The following ZNF407 variants were observed in gnomAD, a reference collection of about 807,000 sequenced individuals.
The protein encoded by ZNF407 is zinc finger protein 407.
A neutral mutation model predicts 131.2 loss-of-function variants in ZNF407; 17 were observed. The observed-to-expected ratio is 0.13, with a 90% CI of 0.09 to 0.19. The LOEUF (loss-of-function observed/expected upper bound fraction) is 0.19, where lower values mean the gene tolerates loss of function less well. ZNF407 is among the 10% of genes least tolerant of loss of function. The probability of loss-of-function intolerance (pLI) is 1.00; values close to 1 mark genes in which losing one functional copy is unlikely to be tolerated. For synonymous variants in ZNF407, 1,156 were observed against 1,062.0 expected (o/e 1.09, Z -1.72); for missense variants, 2,681 against 2,830.6 (o/e 0.95, Z 1.20).
intron 8 of ZNF407, among the ~76,000 whole-genome samples, chr18:74,995,505 T>G (rs79197646): frequency 0.011 from 1,631 of 152,334 alleles, 32 homozygotes; most frequent in African/African-American, 0.037. Flanking sequence ...CAGAAAATAG[T>G]ATTTTATTCG....
At position 74,672,229 on chromosome 18, in the gene ZNF407, G is replaced by A. The variant is rs77191129; in HGVS notation, c.4802+31107G>A. Among the ~76,000 whole-genome samples the A allele has an allele frequency of 6.4e-3, 974 of 152,260 alleles. 12 individuals are homozygous for A. Among genetic ancestry groups the A allele is most frequent in the African/African-American group, 0.022 (915 of 41,550 alleles). ...CCCCAGCATCTGTTATTTTTTGACT[G>A]TTTAATACAGTTATTTGACTGATGT... On this transcript the variant is annotated intron_variant, in intron 3 of 8. Transcript: ENST00000299687.
chr18:74,818,243 G>A (rs1408668232), intron 4 of ZNF407, among the ~76,000 whole-genome samples: 2 of 152,176 alleles, frequency 1.3e-5, no homozygotes, highest in African/African-American at 4.8e-5. Flanking sequence ...AGCAAACGCA[G>A]GCATTCTCTC....
At chr18:74,842,672 A>G (rs1320784541) in intron 4 of ZNF407, among the ~76,000 whole-genome samples, 1 of 151,684 alleles carries the variant, frequency 6.6e-6, no homozygotes, top group African/African-American at 2.4e-5. Flanking sequence ...CATTTAGACA[A>G]ATGTTTGCTT....
chr18:74,941,518 C>T (rs749008933), intron 8 of ZNF407, among the ~76,000 whole-genome samples: 15 of 152,174 alleles, frequency 9.9e-5, no homozygotes, highest in Non-Finnish European at 1.8e-4. Flanking sequence ...AGCAAAAACA[C>T]ATACACAACA....
At position 74,633,404 on chromosome 18, in the gene ZNF407, A is replaced by G. The variant is rs374407091; in HGVS notation, c.2385A>G (p.Gly795=). The G allele has an allele frequency of 6.2e-6, 10 of 1,613,872 alleles. No individual in the cohort carries two copies. The highest frequency in any genetic ancestry group is 7.6e-6 in the Non-Finnish European group (9 of 1,179,896). The part of the protein sequence containing the change: ...KKEEFDVSGN[G]RIEGHIGVQL... ...AAGAGTTTGATGTTTCCGGAAATGG[A>G]AGGATTGAAGGCCATATAGGTGTGC... is the stretch of plus-strand genomic sequence containing the variant. Residue 795 remains glycine (G), a synonymous_variant, in exon 2 of 9, where the codon GGA becomes GGG. Coordinates refer to ENST00000299687, the MANE Select transcript of ZNF407 (RefSeq NM_017757.3).
intron 6 of ZNF407, among the ~76,000 whole-genome samples, chr18:74,886,707 A>G (rs968502554): frequency 2.0e-5 from 3 of 152,180 alleles, no homozygotes; most frequent in Non-Finnish European, 2.9e-5. Flanking sequence ...AACTAATATA[A>G]TAGTGACAGA....
chr18:75,043,723 C>T (rs1973400395), intron 8 of ZNF407, among the ~76,000 whole-genome samples: 1 of 152,228 alleles, frequency 6.6e-6, no homozygotes, highest in Non-Finnish European at 1.5e-5. Context: ...AGCTTTCCGT[C>T]ATGGGCAAAT....
intron 7 of ZNF407, among the ~76,000 whole-genome samples, chr18:74,918,157 A>T (rs1971797892): frequency 6.6e-6 from 1 of 152,220 alleles, no homozygotes; most frequent in Non-Finnish European, 1.5e-5. Flanking sequence ...TGTTACTCTA[A>T]GGATAATTAC....
chr18:74,645,169 A>G lies in ZNF407; in HGVS notation c.4802+4047A>G, dbSNP rs113254165. On this transcript the variant is annotated intron_variant, in intron 3 of 8. Transcript: ENST00000299687. ...TACAAACTGAACATATTTGTATAATAGCAGGAGGTAAGGGTCTAAAAGTAT... is the reference window on the plus strand; with the variant it reads ...TACAAACTGAACATATTTGTATAATGGCAGGAGGTAAGGGTCTAAAAGTAT... 2.0e-3 allele frequency among the ~76,000 whole-genome samples: 310 copies of G among 152,182 alleles called. 3 individuals carry two copies. The Middle Eastern group carries it at 0.051, about 25-fold the overall frequency.
At chr18:74,730,656 A>G (rs1336773892) in intron 3 of ZNF407, among the ~76,000 whole-genome samples, 1 of 151,998 alleles carries the variant, frequency 6.6e-6, no homozygotes, top group African/African-American at 2.4e-5. Flanking sequence ...TTTAACCATC[A>G]CCCTGTACAA....
intron 8 of ZNF407, among the ~76,000 whole-genome samples, chr18:74,969,033 A>G (rs1279574874): frequency 2.0e-5 from 3 of 152,016 alleles, no homozygotes; most frequent in Admixed American, 1.3e-4. Context: ...ATCCTCTGTC[A>G]TCGCCACTCC....
Position 74,633,653 on chromosome 18 carries a change from T to C in ZNF407, c.2634T>C (p.Ser878=). 1 of 1,613,848 alleles carries C rather than the reference T, an allele frequency of 6.2e-7. No individual in the cohort carries two copies. The highest frequency in any genetic ancestry group is 1.1e-5 in the South Asian group (1 of 91,060). ...HIRRKHSHQY[S]YLCKVCKYYT... The stretch of plus-strand genomic sequence containing the variant: ...GACGAAAACACAGTCACCAGTATAG[T>C]TATTTATGCAAAGTGTGTAAGTATT... Residue 878 remains serine (S), a synonymous_variant, in exon 2 of 9, where the codon AGT becomes AGC. Coordinates refer to ENST00000299687, the MANE Select transcript of ZNF407 (RefSeq NM_017757.3).
Position 75,063,279 on chromosome 18 carries a change from G to A in ZNF407, c.5558G>A (p.Ser1853Asn), listed in dbSNP as rs767416908. The change falls in exon 9 of 9, where the codon AGC (serine) becomes AAC (asparagine). Residue 1853 changes from serine (S) to asparagine (N), a missense_variant. By Grantham distance (46) the Ser-to-Asn change is conservative. Transcript: ENST00000299687. The surrounding 1 kb of genome is among the most constrained non-coding windows in gnomAD (Gnocchi z 6.6). ...PLVKEKPLRSSRRPAPPPEQV... is the reference protein window; with the variant it reads ...PLVKEKPLRSNRRPAPPPEQV... Reference sequence around the variant, plus strand: ...GTCAAGGAGAAGCCCCTCAGAAGCAGCAGGAGGCCAGCGCCGCCCCCTGAG... The same window carrying A: ...GTCAAGGAGAAGCCCCTCAGAAGCAACAGGAGGCCAGCGCCGCCCCCTGAG... 3.7e-6 allele frequency: 6 copies of A among 1,613,608 alleles called. No individual in the cohort carries two copies. In the African/African-American group the frequency reaches 4.0e-5, roughly 11 times the overall value.
At chr18:74,955,409 A>G (rs1972264175) in intron 8 of ZNF407, among the ~76,000 whole-genome samples, 1 of 152,192 alleles carries the variant, frequency 6.6e-6, no homozygotes, top group Non-Finnish European at 1.5e-5. Flanking sequence ...GAAAAGTTGC[A>G]AACCCCAGAA....
chr18:74,635,477 T>G lies in ZNF407; in HGVS notation c.4458T>G (p.Phe1486Leu). 1 of 1,612,798 alleles carries G rather than the reference T, an allele frequency of 6.2e-7. No homozygotes were observed. Among genetic ancestry groups the G allele is most frequent in the Non-Finnish European group, 8.5e-7 (1 of 1,179,260 alleles). ...AGCTTCCGGAGGGAGGGGCCACCTT[T>G]AAATGTGTCAAGTGCACAGAGCCCT... ...VEELPEGGAT[F>L]KCVKCTEPFD... is the part of the protein sequence containing the mutation. The change falls in exon 2 of 9, where the codon TTT becomes TTG. Residue 1486 changes from phenylalanine (F) to leucine (L), a missense_variant. By Grantham distance (22) the Phe-to-Leu change is conservative. Around this residue, in one of 6 missense-constraint regions of ZNF407, gnomAD observed 213 missense variants for 332.2 expected, o/e 0.64. Transcript: ENST00000299687. The surrounding 1 kb of genome is among the most constrained non-coding windows in gnomAD (Gnocchi z 4.7).
chr18:74,926,718 G>A (rs1401735052), intron 8 of ZNF407, among the ~76,000 whole-genome samples: 1 of 152,152 alleles, frequency 6.6e-6, no homozygotes, highest in African/African-American at 2.4e-5. Flanking sequence ...CAGGAGAATT[G>A]GTTAAACTGG....
intron 8 of ZNF407, among the ~76,000 whole-genome samples, chr18:74,927,009 T>C (rs562022711): frequency 6.6e-6 from 1 of 152,334 alleles, no homozygotes; most frequent in Admixed American, 6.5e-5. Flanking sequence ...TTGTTATGTA[T>C]GGTTTCCTTA....
chr18:74,898,366 G>A (rs1444891620), intron 7 of ZNF407: 5 of 151,706 alleles, frequency 3.3e-5, no homozygotes, highest in Non-Finnish European at 7.4e-5. Context: ...TATTATTTTC[G>A]TACTTAACTA....
At chr18:74,791,301 T>A (rs560555339) in intron 4 of ZNF407, among the ~76,000 whole-genome samples, 1 of 152,376 alleles carries the variant, frequency 6.6e-6, no homozygotes, top group African/African-American at 2.4e-5. Context: ...TAATTTCATA[T>A]GAGTCAAACT....
Sources: gnomAD v4.1 joint callset for allele counts (sites outside exome capture counted in the v4.1 genomes callset) on GRCh38, gnomAD v4.1.1 for gene constraint, gnomAD v4.1.1 regional missense constraint, Gnocchi (gnomAD v3.1) non-coding constraint, MANE v1.5 for transcripts, NCBI Gene and HGNC (gene_info 2026-07-23, HGNC 2026-07-21) for gene names.